The following GRID1 variants were observed in gnomAD, a reference collection of about 807,000 sequenced individuals.
GRID1 encodes the protein glutamate receptor ionotropic, delta-1.
A neutral mutation model predicts 98.0 loss-of-function variants in GRID1; 28 were observed. That is an observed-to-expected ratio of 0.29 (90% CI 0.21 to 0.39). The LOEUF (loss-of-function observed/expected upper bound fraction) is 0.39. Ranked by LOEUF, GRID1 falls within the 10% of genes least tolerant of loss-of-function variation. GRID1 has a pLI of 1.00. For missense variants in GRID1, 1,111 were observed against 1,340.5 expected (o/e 0.83, Z 2.67); for synonymous variants, 553 against 538.5 (o/e 1.03, Z -0.37).
At chr10:86,295,881 C>G (rs945487295) in intron 2 of GRID1, among the ~76,000 whole-genome samples, 5 of 152,232 alleles carry the variant, frequency 3.3e-5, no homozygotes, top group African/African-American at 1.2e-4. Context: ...CTAGAAAGCA[C>G]CTGCTCACCT....
chr10:86,213,820 C>G (rs777894201), intron 2 of GRID1, among the ~76,000 whole-genome samples: 3 of 151,958 alleles, frequency 2.0e-5, no homozygotes, highest in Admixed American at 6.5e-5. Flanking sequence ...CACTGAACTG[C>G]CTAGGGTGTG....
In GRID1 at chr10:86,262,194, C is replaced by A. The variant is rs542258541; in HGVS notation, c.236-55546G>T. 4.6e-5 allele frequency among the ~76,000 whole-genome samples: 7 copies of A among 152,364 alleles called. No individual in the cohort carries two copies. In the South Asian group the frequency reaches 1.5e-3, roughly 32 times the overall value. ...TGAAAGCAGTTAGTCTGCCCCTCAGCAGCCTCTCGGAGCTCTGCTCCTACT... is the reference window on the plus strand; with the variant it reads ...TGAAAGCAGTTAGTCTGCCCCTCAGAAGCCTCTCGGAGCTCTGCTCCTACT... On this transcript the variant is annotated intron_variant, in intron 2 of 15. Coordinates refer to ENST00000327946, the MANE Select transcript of GRID1 (RefSeq NM_017551.3).
At chr10:85,851,550 A>C (rs972019100) in intron 8 of GRID1, among the ~76,000 whole-genome samples, 8 of 152,238 alleles carry the variant, frequency 5.3e-5, no homozygotes, top group African/African-American at 1.9e-4. Flanking sequence ...TGTCTGGGTG[A>C]CTCACCATCC....
intron 4 of GRID1, among the ~76,000 whole-genome samples, chr10:86,093,588 A>C (rs1392210194): frequency 6.6e-6 from 1 of 152,220 alleles, no homozygotes; most frequent in African/African-American, 2.4e-5. Context: ...ATGCACATAA[A>C]CTAGAAAACC....
chr10:86,170,575 G>C (rs1845469843), intron 3 of GRID1, among the ~76,000 whole-genome samples: 1 of 152,218 alleles, frequency 6.6e-6, no homozygotes, highest in African/African-American at 2.4e-5. Context: ...TGCTCCCCAA[G>C]GGACCAGTGA....
At chr10:86,163,437 A>G (rs1201519747) in intron 3 of GRID1, among the ~76,000 whole-genome samples, 1 of 148,552 alleles carries the variant, frequency 6.7e-6, no homozygotes, top group South Asian at 2.1e-4. Flanking sequence ...TTATACTTTA[A>G]GTTCTAGGGT....
intron 4 of GRID1, among the ~76,000 whole-genome samples, chr10:85,961,753 C>A (rs1353868527): frequency 6.6e-6 from 1 of 151,446 alleles, no homozygotes; most frequent in Non-Finnish European, 1.5e-5. Context: ...TCTATCTTTC[C>A]TTCCTCCCTC....
intron 2 of GRID1, among the ~76,000 whole-genome samples, chr10:86,334,259 A>G (rs1292393639): frequency 6.6e-6 from 1 of 152,182 alleles, no homozygotes; most frequent in Non-Finnish European, 1.5e-5. Flanking sequence ...AGAGTATATA[A>G]TTAAAATAAC....
chr10:85,799,744 G>T (rs1158733866), intron 8 of GRID1, among the ~76,000 whole-genome samples: 1 of 152,026 alleles, frequency 6.6e-6, no homozygotes, highest in African/African-American at 2.4e-5. Context: ...GGCAGAGGTT[G>T]TTTATTGGGT....
At position 86,267,662 on chromosome 10, in the gene GRID1, C is replaced by A. The variant is rs145672760; in HGVS notation, c.236-61014G>T. Reference sequence around the variant, plus strand: ...ACCACACCCACTAGCCAGAACTCCACGGCCATGGCTCAGCTGAAAGACAAC... The same window carrying A: ...ACCACACCCACTAGCCAGAACTCCAAGGCCATGGCTCAGCTGAAAGACAAC... On this transcript the variant is annotated intron_variant, in intron 2 of 15. Coordinates refer to ENST00000327946, the MANE Select transcript of GRID1 (RefSeq NM_017551.3). Among the ~76,000 whole-genome samples the A allele has an allele frequency of 1.0e-3, 153 of 152,286 alleles. 1 individual carries two copies. Among genetic ancestry groups the A allele is most frequent in the Non-Finnish European group, 1.8e-3 (120 of 68,024 alleles).
At chr10:86,334,673 T>C (rs1490187344) in intron 2 of GRID1, among the ~76,000 whole-genome samples, 1 of 152,236 alleles carries the variant, frequency 6.6e-6, no homozygotes, top group Non-Finnish European at 1.5e-5. Flanking sequence ...TCTGGGGACA[T>C]AGGGGAGAAA....
At chr10:85,862,486 TTCCCTGAGATAGCAGGA>T (rs1843172469) in intron 6 of GRID1, among the ~76,000 whole-genome samples, 1 of 152,124 alleles carries the variant, frequency 6.6e-6, no homozygotes, top group Non-Finnish European at 1.5e-5. Flanking sequence ...GGCTATGCAT[TTCCCTGAGATAGCAGGA>T]TCCTGGCAAG....
chr10:85,983,555 T>TG (rs1842571546), intron 4 of GRID1, among the ~76,000 whole-genome samples: 1 of 152,194 alleles, frequency 6.6e-6, no homozygotes, highest in Non-Finnish European at 1.5e-5. Flanking sequence ...GAACTGAAGT[T>TG]CAGGCAGGGG....
chr10:85,921,790 G>A (rs57983548), intron 4 of GRID1, among the ~76,000 whole-genome samples: 47,462 of 152,028 alleles, frequency 0.31, 7,580 homozygotes, highest in South Asian at 0.41. Flanking sequence ...TCCAGTCTGG[G>A]TCCCCTTCCT....
intron 8 of GRID1, among the ~76,000 whole-genome samples, chr10:85,745,723 T>TAAA (rs143199820): frequency 7.6e-6 from 1 of 131,436 alleles, no homozygotes; most frequent in Admixed American, 7.7e-5. Flanking sequence ...AAAGTATAAT[T>TAAA]AAAAAAAAAA....
At chr10:86,065,164 C>T (rs1364680223) in intron 4 of GRID1, among the ~76,000 whole-genome samples, 1 of 152,218 alleles carries the variant, frequency 6.6e-6, no homozygotes, top group Non-Finnish European at 1.5e-5. Context: ...CTCTGGCAAT[C>T]CTCTGGCACA....
intron 13 of GRID1, 74 bp downstream of exon 13, chr10:85,647,128 T>C (rs1590173427): frequency 1.7e-6 from 2 of 1,155,812 alleles, no homozygotes; most frequent in East Asian, 2.3e-5. Flanking sequence ...CCCCTGGAGG[T>C]GTCTCCCACC....
intron 2 of GRID1, among the ~76,000 whole-genome samples, chr10:86,333,454 C>T (rs1217294883): frequency 2.0e-5 from 3 of 152,192 alleles, no homozygotes; most frequent in African/African-American, 7.2e-5. Flanking sequence ...TGGAGCCATC[C>T]TGGAATCCCC....
chr10:85,881,942 C>T (rs1393670581), intron 5 of GRID1, among the ~76,000 whole-genome samples: 2 of 152,104 alleles, frequency 1.3e-5, no homozygotes, highest in African/African-American at 4.8e-5. Context: ...AAACAAACAA[C>T]CCCATCAAAA....
Sources: gnomAD v4.1 joint callset for allele counts (sites outside exome capture counted in the v4.1 genomes callset) on GRCh38, gnomAD v4.1.1 for gene constraint, MANE v1.5 for transcripts, NCBI Gene and HGNC (gene_info 2026-07-23, HGNC 2026-07-21) for gene names.